PDLIM5: variants seen among roughly 807,000 people sequenced by gnomAD.
PDLIM5 encodes the protein PDZ and LIM domain 5.
A neutral mutation model predicts 64.2 loss-of-function variants in PDLIM5; 34 were observed. The ratio of observed to expected loss-of-function variants is 0.53; its 90% CI spans 0.40 to 0.71. The LOEUF is 0.71. PDLIM5 is among the 30% of genes least tolerant of loss of function. The probability of loss-of-function intolerance (pLI) is 0.00; values close to 1 mark genes in which losing one functional copy is unlikely to be tolerated. For missense variants in PDLIM5, 683 were observed against 733.6 expected (o/e 0.93, Z 0.80); for synonymous variants, 253 against 269.1 (o/e 0.94, Z 0.59).
chr4:94,604,943 G>T (rs924810476), intron 7 of PDLIM5, among the ~76,000 whole-genome samples: 2 of 152,184 alleles, frequency 1.3e-5, no homozygotes, highest in African/African-American at 4.8e-5. Flanking sequence ...GCAAGATGCA[G>T]TTTCATAGAG....
In PDLIM5 at chr4:94,561,936, T is replaced by C. The variant is rs142225762; in HGVS notation, c.249-11415T>C. Among the ~76,000 whole-genome samples, 1,192 of 152,326 alleles carry C rather than the reference T, an allele frequency of 7.8e-3. 12 individuals carry two copies. The highest frequency in any genetic ancestry group is 0.027 in the African/African-American group (1,121 of 41,550). ...GCATTTCTGTTCTTCTTAGTAATTT[T>C]GATTATGTCAGAAGCAAATTTGGTG... is the stretch of plus-strand genomic sequence containing the variant. On this transcript the variant is annotated intron_variant, in intron 3 of 12. Transcript: ENST00000317968.
chr4:94,589,944 TTA>T (rs2110327364), intron 7 of PDLIM5, among the ~76,000 whole-genome samples: 1 of 152,100 alleles, frequency 6.6e-6, no homozygotes, highest in Non-Finnish European at 1.5e-5. Flanking sequence ...CAGCTAATTT[TTA>T]TAGTTTTTTT....
At chr4:94,496,129 TTCA>T (rs1266607057) in intron 2 of PDLIM5, among the ~76,000 whole-genome samples, 1 of 152,158 alleles carries the variant, frequency 6.6e-6, no homozygotes, top group African/African-American at 2.4e-5. Flanking sequence ...TACAGATTTG[TTCA>T]TCAAGTAGCA....
chr4:94,495,925 G>T (rs868286632), intron 2 of PDLIM5, among the ~76,000 whole-genome samples: 3 of 152,168 alleles, frequency 2.0e-5, no homozygotes, highest in Admixed American at 6.5e-5. Context: ...GGAACTTAAG[G>T]ATTTTTATAT....
At chr4:94,474,976 G>C (rs1013233503) in intron 2 of PDLIM5, among the ~76,000 whole-genome samples, 3 of 152,202 alleles carry the variant, frequency 2.0e-5, no homozygotes, top group Non-Finnish European at 4.4e-5. Flanking sequence ...TAATAGCTAA[G>C]TATTTTCTTG....
intron 10 of PDLIM5, among the ~76,000 whole-genome samples, chr4:94,654,933 C>T (rs558709847): frequency 1.8e-4 from 28 of 152,154 alleles, no homozygotes; most frequent in African/African-American, 6.0e-4. Context: ...TCAACAGGAG[C>T]CTGTTTGCTC....
intron 2 of PDLIM5, among the ~76,000 whole-genome samples, chr4:94,459,378 T>C (rs1255635982): frequency 6.6e-6 from 1 of 152,214 alleles, no homozygotes; most frequent in Non-Finnish European, 1.5e-5. Context: ...TAACAATGAC[T>C]TTGATTCTCA....
At chr4:94,469,358 A>C (rs1012038851) in intron 2 of PDLIM5, among the ~76,000 whole-genome samples, 1 of 152,220 alleles carries the variant, frequency 6.6e-6, no homozygotes, top group South Asian at 2.1e-4. Flanking sequence ...GACAGTCAAT[A>C]CAGGCCCTCT....
At chr4:94,577,403 T>C (rs1735367430) in intron 5 of PDLIM5, 1 of 456,364 alleles carries the variant, frequency 2.2e-6, no homozygotes. Context: ...GCAGGAGCTC[T>C]AGAAGAACAG....
intron 2 of PDLIM5, chr4:94,456,647 A>G: frequency 1.1e-6 from 1 of 912,744 alleles, no homozygotes; most frequent in Non-Finnish European, 1.6e-6. Context: ...CCTACTGAAG[A>G]GTATTTGTGG....
chr4:94,514,248 T>C (rs2510789), intron 2 of PDLIM5, among the ~76,000 whole-genome samples: 86,906 of 150,372 alleles, frequency 0.58, 27,407 homozygotes, highest in African/African-American at 0.85. Flanking sequence ...CATTCTCCTC[T>C]CTCAGCCTCC....
At chr4:94,564,781 AG>A (rs1170906128) in intron 3 of PDLIM5, among the ~76,000 whole-genome samples, 2 of 148,456 alleles carry the variant, frequency 1.3e-5, no homozygotes, top group Non-Finnish European at 3.0e-5. Context: ...TCAGCCTCCC[AG>A]GTAGCTAGGA....
intron 2 of PDLIM5, among the ~76,000 whole-genome samples, chr4:94,479,765 T>TA (rs1448105424): frequency 1.6e-4 from 25 of 152,348 alleles, no homozygotes; most frequent in African/African-American, 5.5e-4. Context: ...GTGTTTTTTT[T>TA]ACATGCTGCT....
At chr4:94,527,561 AG>A (rs1159314409) in intron 3 of PDLIM5, among the ~76,000 whole-genome samples, 4 of 152,210 alleles carry the variant, frequency 2.6e-5, no homozygotes, top group Admixed American at 1.3e-4. Context: ...GCAGAGTCTG[AG>A]ATGGGGATTC....
intron 2 of PDLIM5, among the ~76,000 whole-genome samples, chr4:94,496,510 G>A (rs937312250): frequency 1.3e-4 from 20 of 152,124 alleles, no homozygotes; most frequent in Admixed American, 7.9e-4. Flanking sequence ...TTAATTAAGA[G>A]ACACAGTCTC....
chr4:94,535,389 C>G (rs1375414830), intron 3 of PDLIM5, among the ~76,000 whole-genome samples: 2 of 152,114 alleles, frequency 1.3e-5, no homozygotes, highest in Non-Finnish European at 2.9e-5. Flanking sequence ...AACTGTTTCT[C>G]ACTAAGATGT....
At chr4:94,547,586 G>A (rs1465949988) in intron 3 of PDLIM5, among the ~76,000 whole-genome samples, 1 of 152,116 alleles carries the variant, frequency 6.6e-6, no homozygotes, top group Non-Finnish European at 1.5e-5. Context: ...GCATGTTAAT[G>A]TAACATATTC....
intron 2 of PDLIM5, among the ~76,000 whole-genome samples, chr4:94,504,544 C>G (rs1170308717): frequency 6.6e-6 from 1 of 152,174 alleles, no homozygotes; most frequent in Admixed American, 6.5e-5. Flanking sequence ...CTTGGCCTCC[C>G]AAAGTGCTGG....
chr4:94,542,684 T>C (rs1731928252), intron 3 of PDLIM5, among the ~76,000 whole-genome samples: 1 of 152,202 alleles, frequency 6.6e-6, no homozygotes, highest in Non-Finnish European at 1.5e-5. Flanking sequence ...CTTTTTTCTT[T>C]ATTAAATGAT....
Sources: allele counts gnomAD v4.1 joint callset (sites outside exome capture counted in the v4.1 genomes callset), GRCh38; gene constraint gnomAD v4.1.1; transcripts MANE v1.5; gene names NCBI Gene and HGNC (gene_info 2026-07-23, HGNC 2026-07-21).